Variants in RNF34 observed in about 807,000 individuals in gnomAD.
RNF34 encodes the protein ring finger protein 34.
Under a neutral mutation model 37.9 loss-of-function variants are expected in RNF34, and 12 were observed. That is an observed-to-expected ratio of 0.32 (90% CI 0.20 to 0.51). RNF34 has a LOEUF of 0.51. Ranked by LOEUF, RNF34 falls within the 20% of genes least tolerant of loss-of-function variation. The pLI is 0.97. For missense variants in RNF34, 362 were observed against 472.7 expected (o/e 0.77, Z 2.17); for synonymous variants, 155 against 177.2 (o/e 0.87, Z 1.00).
chr12:121,420,565 C>CT lies in RNF34; in HGVS notation c.727-11dup, dbSNP rs782688135. On this transcript the variant is annotated splice_polypyrimidine_tract_variant and intron_variant, in intron 4 of 5. Coordinates refer to ENST00000361234, the MANE Select transcript of RNF34 (RefSeq NM_025126.4). ...TATGGGACCAGGGCTAATGGATGCTCTGTGGTTTCAGAACCCCGGGCTCTC... is the reference window on the plus strand; with the variant it reads ...TATGGGACCAGGGCTAATGGATGCTCTTGTGGTTTCAGAACCCCGGGCTCTC... 2 of 1,613,640 alleles carry CT rather than the reference C, an allele frequency of 1.2e-6. No individual in the cohort carries two copies. Among genetic ancestry groups the CT allele is most frequent in the East Asian group, 4.5e-5 (2 of 44,894 alleles).
At chr12:121,420,844 T>G in intron 5 of RNF34, 66 bp downstream of exon 5, 2 of 1,202,614 alleles carry the variant, frequency 1.7e-6, no homozygotes, top group Non-Finnish European at 2.4e-6. Flanking sequence ...CTGGGTTGTT[T>G]TTGTCACAAT....
At chr12:121,413,865 G>A (rs868944921) in intron 1 of RNF34, among the ~76,000 whole-genome samples, 1 of 152,030 alleles carries the variant, frequency 6.6e-6, no homozygotes, top group Non-Finnish European at 1.5e-5. Context: ...GTGAGCCACC[G>A]CGCCCGGCTT....
chr12:121,408,601 A>G (rs945547951), intron 1 of RNF34, among the ~76,000 whole-genome samples: 15 of 152,162 alleles, frequency 9.9e-5, no homozygotes, highest in African/African-American at 3.6e-4. Flanking sequence ...ATGCAGAATA[A>G]ATTTCTGAAA....
rs782326655 is a variant in RNF34 at position 121,416,147 on chromosome 12, G to C, written c.7-12G>C. On this transcript the variant is annotated splice_polypyrimidine_tract_variant and intron_variant, in intron 1 of 5. Transcript: ENST00000361234. Reference sequence around the variant, plus strand: ...CTTAGCTTTAAACTGTGGGATTTGTGTTCCTTTTTAGGCGGGTGCCACGTC... The same window carrying C: ...CTTAGCTTTAAACTGTGGGATTTGTCTTCCTTTTTAGGCGGGTGCCACGTC... The C allele has an allele frequency of 1.1e-5, 17 of 1,611,112 alleles. No individual in the cohort carries two copies. The highest frequency in any genetic ancestry group is 1.4e-5 in the Non-Finnish European group (16 of 1,177,732).
intron 4 of RNF34, 63 bp from the exon 5 acceptor site, chr12:121,420,512 TGA>T: frequency 6.3e-7 from 1 of 1,578,312 alleles, no homozygotes. Context: ...GGGCCAGTGA[TGA>T]GTTTAGAGTG....
chr12:121,415,577 C>G (rs1243493807), intron 1 of RNF34, among the ~76,000 whole-genome samples: 1 of 152,010 alleles, frequency 6.6e-6, no homozygotes, highest in Non-Finnish European at 1.5e-5. Flanking sequence ...GATTGCGCCA[C>G]TGTACTCCAG....
intron 3 of RNF34, 170 bp from the exon 4 acceptor site, chr12:121,420,072 A>C (rs1346374022): frequency 5.4e-6 from 3 of 553,236 alleles, no homozygotes; most frequent in Non-Finnish European, 9.8e-6. Flanking sequence ...TAGGTTCTTC[A>C]TGCAATTTTG....
intron 4 of RNF34, 41 bp from the exon 5 acceptor site, chr12:121,420,536 G>C (rs782304541): frequency 8.7e-6 from 14 of 1,603,792 alleles, no homozygotes; most frequent in Non-Finnish European, 1.2e-5. Context: ...GGAGGGTCTG[G>C]ACTTATGGGA....
At chr12:121,410,923 T>A (rs1180573546) in intron 1 of RNF34, among the ~76,000 whole-genome samples, 3 of 152,134 alleles carry the variant, frequency 2.0e-5, no homozygotes, top group Admixed American at 2.0e-4. Context: ...ACTTTGGAGG[T>A]TGGCTTGGGC....
At chr12:121,410,226 T>C (rs1870922578) in intron 1 of RNF34, among the ~76,000 whole-genome samples, 1 of 150,614 alleles carries the variant, frequency 6.6e-6, no homozygotes, top group Non-Finnish European at 1.5e-5. Context: ...AAAGGGGAGA[T>C]GGAAATTAAA....
Position 121,417,963 on chromosome 12 carries a change from C to G in RNF34, c.633+52C>G, listed in dbSNP as rs782756762. ...AGGGCCCGGCACGCTTATTCTTGGC[C>G]GTATATGGTGGGGCCTTTAGTGCTT... On this transcript the variant is annotated intron_variant, in intron 3 of 5. Transcript: ENST00000361234. The surrounding 1 kb of genome is among the most constrained non-coding windows in gnomAD (Gnocchi z 5.0). 1.9e-6 allele frequency: 3 copies of G among 1,561,832 alleles called. No individual in the cohort carries two copies. The African/African-American group carries it at 4.1e-5, about 21-fold the overall frequency.
At chr12:121,420,130 T>C (rs1412803198) in intron 3 of RNF34, 112 bp from the exon 4 acceptor site, 6 of 948,786 alleles carry the variant, frequency 6.3e-6, no homozygotes, top group Non-Finnish European at 6.5e-6. Flanking sequence ...AATCCAAAGA[T>C]GTGCATTATG....
At chr12:121,416,666 CTG>C (rs1368123275) in intron 2 of RNF34, 2 of 271,808 alleles carry the variant, frequency 7.4e-6, no homozygotes, top group Non-Finnish European at 1.4e-5. Context: ...ATTTGTTAGT[CTG>C]TAGTTTTGTT....
chr12:121,410,501 C>T (rs1439764905), intron 1 of RNF34, among the ~76,000 whole-genome samples: 2 of 149,948 alleles, frequency 1.3e-5, no homozygotes, highest in Admixed American at 6.7e-5. Context: ...TGCGCCACTG[C>T]ATTCCATCCT....
At chr12:121,408,439 T>C (rs1555280927) in intron 1 of RNF34, among the ~76,000 whole-genome samples, 1 of 146,586 alleles carries the variant, frequency 6.8e-6, no homozygotes, top group Non-Finnish European at 1.5e-5. Context: ...TGAAACTCTG[T>C]CTAAAAAATA....
At position 121,423,561 on chromosome 12, in the gene RNF34, C is replaced by T. The variant is rs377078507; in HGVS notation, c.1104C>T (p.His368=). Residue 368 remains histidine, a synonymous_variant, in exon 6 of 6, where the codon CAC becomes CAT. Transcript: ENST00000361234. The surrounding 1 kb of genome is among the most constrained non-coding windows in gnomAD (Gnocchi z 4.3). Reference sequence around the variant, plus strand: ...GGCAGTATGTGGTGCGAGCCGTGCACGTGTTCAAGTCCTGAAACAGGCTCC... The same window carrying T: ...GGCAGTATGTGGTGCGAGCCGTGCATGTGTTCAAGTCCTGAAACAGGCTCC... ...ICRQYVVRAV[H]VFKS is the part of the protein sequence containing the mutation. The T allele has an allele frequency of 2.5e-6, 4 of 1,613,328 alleles. No homozygotes were observed. Among genetic ancestry groups the T allele is most frequent in the African/African-American group, 1.3e-5 (1 of 74,934 alleles).
chr12:121,422,573 A>G (rs1454266710), intron 5 of RNF34, among the ~76,000 whole-genome samples: 1 of 152,210 alleles, frequency 6.6e-6, no homozygotes, highest in Admixed American at 6.5e-5. Context: ...GAATGGCAGT[A>G]AAACATTTCT....
At chr12:121,401,511 T>G (rs1479972726) in intron 1 of RNF34, among the ~76,000 whole-genome samples, 2 of 152,202 alleles carry the variant, frequency 1.3e-5, no homozygotes, top group Non-Finnish European at 2.9e-5. Flanking sequence ...CTTTCCAGTT[T>G]AGTTATAAAA....
At chr12:121,404,142 G>A (rs1448986513) in intron 1 of RNF34, among the ~76,000 whole-genome samples, 3 of 150,234 alleles carry the variant, frequency 2.0e-5, no homozygotes, top group African/African-American at 4.9e-5. Context: ...AGCTTCCCAA[G>A]TAGCTGCCAT....
Sources: gnomAD v4.1 joint callset for allele counts (sites outside exome capture counted in the v4.1 genomes callset) on GRCh38, gnomAD v4.1.1 for gene constraint, Gnocchi (gnomAD v3.1) non-coding constraint, MANE v1.5 for transcripts, NCBI Gene and HGNC (gene_info 2026-07-23, HGNC 2026-07-21) for gene names.